Variants in GP2 observed in about 807,000 individuals in gnomAD.
The protein encoded by GP2 is pancreatic secretory granule membrane major glycoprotein GP2.
In GP2, 58 loss-of-function variants were observed where a neutral mutation model predicts 60.8. The ratio of observed to expected loss-of-function variants is 0.95; its 90% CI spans 0.77 to 1.19. The LOEUF (loss-of-function observed/expected upper bound fraction) is 1.19. GP2 is among the 50% of genes most tolerant of loss of function. The probability of loss-of-function intolerance (pLI) is 0.00; values close to 1 mark genes in which losing one functional copy is unlikely to be tolerated. For missense variants in GP2, 647 were observed against 667.4 expected, an observed-to-expected ratio of 0.97 and a Z score of 0.34; for synonymous variants, 280 against 253.4, an observed-to-expected ratio of 1.10 and a Z score of -1.00.
At chr16:20,321,010 A>C (rs1398596753) in intron 4 of GP2, among the ~76,000 whole-genome samples, 1 of 151,940 alleles carries the variant, frequency 6.6e-6, no homozygotes, top group African/African-American at 2.4e-5. Context: ...GCATTGATTC[A>C]ATATATATTT....
At chr16:20,323,333 C>T (rs763061633) in intron 3 of GP2, 15 of 717,484 alleles carry the variant, frequency 2.1e-5, no homozygotes, top group Non-Finnish European at 3.4e-5. Context: ...CTAGGAGAGC[C>T]CCTTAATCTC....
intron 10 of GP2, among the ~76,000 whole-genome samples, chr16:20,312,653 C>A (rs1964024134): frequency 6.8e-6 from 1 of 146,982 alleles, no homozygotes; most frequent in Non-Finnish European, 1.5e-5. Flanking sequence ...TGACTTCAAG[C>A]TGCTTTTTTT....
At chr16:20,319,798 G>A (rs1312917651) in intron 5 of GP2, 30 bp from the exon 6 acceptor site, 24 of 1,570,474 alleles carry the variant, frequency 1.5e-5, no homozygotes, top group African/African-American at 2.7e-5. Flanking sequence ...CCATACAGAT[G>A]TTTATGTGTA....
intron 5 of GP2, among the ~76,000 whole-genome samples, 156 bp from the exon 6 acceptor site, chr16:20,319,924 T>G (rs1475263848): frequency 6.6e-6 from 1 of 152,188 alleles, no homozygotes; most frequent in African/African-American, 2.4e-5. Flanking sequence ...CCTTCAGTGT[T>G]ACTGACACTT....
Position 20,324,149 on chromosome 16 carries a change from G to T in GP2, c.202C>A (p.Leu68Ile), listed in dbSNP as rs773701801. 88 of 1,613,954 alleles carry T rather than the reference G, an allele frequency of 5.5e-5. No individual in the cohort carries two copies. Among genetic ancestry groups the T allele is most frequent in the Non-Finnish European group, 7.4e-5 (87 of 1,179,772 alleles). ...VCFDPCQNYT[L>I]LDEPFRSTEN... is the part of the protein sequence containing the mutation. ...GTGCTTCGGAAGGGTTCATCCAGGA[G>T]GGTGTAATTCTGACAGGGGTCAAAA... The change falls in exon 3 of 11, where the codon CTC becomes ATC. Residue 68 changes from leucine to isoleucine, a missense_variant. Physicochemically the swap from Leu to Ile is conservative, Grantham distance 5. Transcript: ENST00000302555.
chr16:20,317,543 G>A (rs1049795783), intron 7 of GP2, among the ~76,000 whole-genome samples, 168 bp from the exon 8 acceptor site: 2 of 152,200 alleles, frequency 1.3e-5, no homozygotes, highest in Admixed American at 6.5e-5. Context: ...TGAGGGCACA[G>A]TCTCTGGAGT....
In GP2 at chr16:20,317,296, A is replaced by G; in HGVS notation, c.1333T>C (p.Phe445Leu). 1.2e-6 allele frequency: 2 copies of G among 1,613,040 alleles called. No homozygotes were observed. The highest frequency in any genetic ancestry group is 1.3e-5 in the African/African-American group (1 of 75,018). ...SSESRFSVQMFMFAGHYDLVF... is the reference protein window; with the variant it reads ...SSESRFSVQMLMFAGHYDLVF... ...AGGTCATAATGTCCAGCAAACATGA[A>G]CATCTGAACTGAGAACCGGCTTTCC... is the stretch of plus-strand genomic sequence containing the variant. Residue 445 changes from phenylalanine to leucine, a missense_variant, in exon 8 of 11, where the codon TTC (phenylalanine) becomes CTC (leucine). Transcript: ENST00000302555.
chr16:20,323,493 C>T (rs530229368), intron 3 of GP2: 5 of 618,034 alleles, frequency 8.1e-6, no homozygotes, highest in South Asian at 3.5e-5. Flanking sequence ...GTACCCCCCC[C>T]CCCTTTTTTT....
rs949223810 is a variant in GP2, at chr16:20,322,886, T to G, written c.629A>C (p.Gln210Pro). ...CAGCTCACCAGAACTATTGAGGTCC[T>G]GTCTGCAGAAACAGCCCCAGGTGCT... is the stretch of plus-strand genomic sequence containing the variant. ...LNSTWGCFCR[Q>P]DLNSSDVHSL... The change falls in exon 4 of 11, where the codon CAG (glutamine) becomes CCG (proline). Residue 210 changes from glutamine (Q) to proline (P), a missense_variant. By Grantham distance (76) the Gln-to-Pro change is moderately conservative (BLOSUM62 -1). Coordinates refer to ENST00000302555, the MANE Select transcript of GP2 (RefSeq NM_001502.4). The G allele has an allele frequency of 6.2e-7, 1 of 1,600,516 alleles. No homozygotes were observed. The highest frequency in any genetic ancestry group is 8.6e-7 in the Non-Finnish European group (1 of 1,167,606).
intron 2 of GP2, 41 bp from the exon 3 acceptor site, chr16:20,324,297 GC>G: frequency 7.5e-7 from 1 of 1,341,418 alleles, no homozygotes; most frequent in South Asian, 1.3e-5. Context: ...ACTGAGCAAT[GC>G]CAGAACCTAC....
intron 3 of GP2, chr16:20,323,425 G>A (rs1596527256): frequency 5.6e-6 from 4 of 717,414 alleles, no homozygotes; most frequent in Middle Eastern, 2.3e-4. Context: ...TACATTTGAA[G>A]TACTTAGGAT....
chr16:20,317,368 T>G lies in GP2; in HGVS notation c.1261A>C (p.Asn421His). Residue 421 changes from asparagine (N) to histidine (H), a missense_variant, in exon 8 of 11, where the codon AAT becomes CAT. Asn to His is a moderately conservative substitution (Grantham distance 68). Transcript: ENST00000302555. ...KYFIIRNSCS[N>H]QRDSTIHVEE... ...ACGTGGATGGTGGAATCACGTTGAT[T>G]TGAGCAGCTGGGAGGGTGACAGGGG... The G allele has an allele frequency of 1.2e-6, 2 of 1,613,392 alleles. No individual in the cohort carries two copies. The highest frequency in any genetic ancestry group is 1.7e-6 in the Non-Finnish European group (2 of 1,179,426).
chr16:20,319,698 A>T lies in GP2; in HGVS notation c.929T>A (p.Ile310Asn), dbSNP rs370216466. 6.2e-7 allele frequency: 1 copy of T among 1,608,162 alleles called. No homozygotes were observed. Among genetic ancestry groups the T allele is most frequent in the Non-Finnish European group, 8.5e-7 (1 of 1,174,536 alleles). ...GGCACATTGGAAGTTGATGTTGAGG[A>T]TGGTGTCTCTGATGATGAAATCATT... ...LVNDFIIRDT[I>N]LNINFQCAYP... The change falls in exon 6 of 11, where the codon ATC becomes AAC. Residue 310 changes from isoleucine to asparagine, a missense_variant. Transcript: ENST00000302555.
At position 20,320,463 on chromosome 16, in the gene GP2, A is replaced by G. The variant is rs766397167; in HGVS notation, c.657T>C (p.Ser219=). ...GCCCACAGTCTAGCTGAGGCTGCAA[A>G]CTGTGGACATCTGCAAAGCAGAGAT... is the stretch of plus-strand genomic sequence containing the variant. ...RQDLNSSDVH[S]LQPQLDCGPR... is the part of the protein sequence containing the mutation. The change falls in exon 5 of 11, where the codon AGT becomes AGC. Residue 219 remains serine (S), a synonymous_variant. Coordinates refer to ENST00000302555, the MANE Select transcript of GP2 (RefSeq NM_001502.4). The G allele has an allele frequency of 2.5e-6, 4 of 1,612,222 alleles. No homozygotes were observed. The highest frequency in any genetic ancestry group is 3.4e-6 in the Non-Finnish European group (4 of 1,178,372).
chr16:20,326,582 G>T, intron 1 of GP2, 115 bp from the exon 2 acceptor site: 1 of 827,342 alleles, frequency 1.2e-6, no homozygotes, highest in Non-Finnish European at 1.9e-6. Context: ...TGTGACTTAT[G>T]GACAGATAGA....
rs763377003 is a variant in GP2, at chr16:20,314,720, G to A, written c.1502-19C>T. On this transcript the variant is annotated intron_variant, in intron 9 of 10. Coordinates refer to ENST00000302555, the MANE Select transcript of GP2 (RefSeq NM_001502.4). ...TGTGCACCTGTGAACAAGAACAGAA[G>A]GGGTGGGTTTCCTCAGTCATGCTCC... The A allele has an allele frequency of 6.3e-7, 1 of 1,584,086 alleles. No homozygotes were observed. The highest frequency in any genetic ancestry group is 8.7e-7 in the Non-Finnish European group (1 of 1,152,680).
At position 20,318,078 on chromosome 16, in the gene GP2, G is replaced by A. The variant is rs928849427; in HGVS notation, c.1253+107C>T. 3.5e-6 allele frequency: 3 copies of A among 863,636 alleles called. No homozygotes were observed. In the African/African-American group the frequency reaches 5.0e-5, roughly 14 times the overall value. 53.5% of individuals were successfully genotyped at this position (863,636 alleles called of 1,614,324 possible). ...GTGATATTTCTGGGTCAAAGATTGT[G>A]GTTATGATATGTAGTACAACTTACA... On this transcript the variant is annotated intron_variant, in intron 7 of 10. Coordinates refer to ENST00000302555, the MANE Select transcript of GP2 (RefSeq NM_001502.4).
At chr16:20,316,487 C>T (rs1964178317) in intron 8 of GP2, among the ~76,000 whole-genome samples, 1 of 152,196 alleles carries the variant, frequency 6.6e-6, no homozygotes, top group African/African-American at 2.4e-5. Context: ...TTGTGTGTGG[C>T]CCTGTGGGCA....
rs758996721 is a variant in GP2 at position 20,323,847 on chromosome 16, GC to G, written c.503del (p.Gly168AlafsTer7). ...PGGYHVYRLE[G>X]TPWCNLRYCT... is the part of the protein sequence containing the mutation. ...AGTATCTCAGATTACACCAGGGAGTGCCTTCCAACCGGTACACATGGTACCC... is the reference window on the plus strand; with the variant it reads ...AGTATCTCAGATTACACCAGGGAGTGCTTCCAACCGGTACACATGGTACCC... On this transcript the variant is annotated frameshift_variant, in exon 3 of 11. Coordinates refer to ENST00000302555, the MANE Select transcript of GP2 (RefSeq NM_001502.4). LOFTEE classifies it high-confidence loss of function. The G allele has an allele frequency of 1.8e-5, 29 of 1,613,276 alleles. No homozygotes were observed. The highest frequency in any genetic ancestry group is 2.4e-5 in the Non-Finnish European group (28 of 1,179,614).
Sources: gnomAD v4.1 joint callset for allele counts (sites outside exome capture counted in the v4.1 genomes callset) on GRCh38, gnomAD v4.1.1 for gene constraint, MANE v1.5 for transcripts, NCBI Gene and HGNC (gene_info 2026-07-23, HGNC 2026-07-21) for gene names.